KDM4C: variants seen among roughly 807,000 people sequenced by gnomAD.
KDM4C encodes the protein lysine-specific demethylase 4C.
In KDM4C, 81 loss-of-function variants were observed where a neutral mutation model predicts 129.3. The observed-to-expected ratio is 0.63, with a 90% confidence interval of 0.52 to 0.75. The LOEUF (loss-of-function observed/expected upper bound fraction) is 0.75, where lower values mean the gene tolerates loss of function less well. Ranked by LOEUF, KDM4C falls within the 30% of genes least tolerant of loss-of-function variation. The pLI is 0.00. For synonymous variants in KDM4C, 573 were observed against 456.1 expected (o/e 1.26, Z -3.26); for missense variants, 1,457 against 1,304.0 (o/e 1.12, Z -1.81).
chr9:6,729,375 A>C lies in KDM4C; in HGVS notation c.49+8378A>C, dbSNP rs1239571329. 3.9e-5 allele frequency among the ~76,000 whole-genome samples: 5 copies of C among 129,174 alleles called. 2 individuals carry two copies. The Admixed American group carries it at 4.2e-4, about 11-fold the overall frequency. The allele number at this position is 129,174 out of a possible 152,430, so 84.7% of individuals were successfully genotyped here. A position where few individuals can be genotyped will look rare whatever the true frequency, so the allele number is the denominator to read the frequency against. ...GGGCAAATGGTGAAACCCTATCCCT[A>C]CTAAAAATACAAAAAACTAGCCAGG... is the stretch of plus-strand genomic sequence containing the variant. On this transcript the variant is annotated intron_variant, in intron 1 of 17. Transcript: ENST00000536108.
At chr9:6,835,260 A>C (rs537392792) in intron 4 of KDM4C, 3 of 903,836 alleles carry the variant, frequency 3.3e-6, no homozygotes, top group African/African-American at 3.3e-5. Context: ...TGGGCATGGA[A>C]TCCTGTGGCA....
At chr9:6,891,543 G>A (rs1846120023) in intron 7 of KDM4C, among the ~76,000 whole-genome samples, 2 of 152,052 alleles carry the variant, frequency 1.3e-5, no homozygotes, top group Non-Finnish European at 2.9e-5. Flanking sequence ...AAAGGGTGAG[G>A]GGGTTTCTTT....
At chr9:7,024,916 TCCACAGTGGTTGAACTAGTTTACAGTC>T (rs1388865046) in intron 15 of KDM4C, among the ~76,000 whole-genome samples, 1 of 152,206 alleles carries the variant, frequency 6.6e-6, no homozygotes, top group Non-Finnish European at 1.5e-5. Context: ...CACACCAACT[TCCACAGTGGTTGAACTAGTTTACAGTC>T]CCACCAACAG....
chr9:6,734,717 G>T, intron 1 of KDM4C: 3 of 306,636 alleles, frequency 9.8e-6, no homozygotes, highest in South Asian at 6.3e-5. Flanking sequence ...GTCAAAATAG[G>T]ATTTTTTCTG....
chr9:6,803,758 A>G (rs1829447750), intron 2 of KDM4C, among the ~76,000 whole-genome samples: 2 of 152,040 alleles, frequency 1.3e-5, no homozygotes, highest in East Asian at 1.9e-4. Flanking sequence ...AAAGAAAAAA[A>G]AAAAAAAAAG....
intron 1 of KDM4C, among the ~76,000 whole-genome samples, chr9:6,736,965 C>A (rs768812757): frequency 6.7e-6 from 1 of 149,404 alleles, no homozygotes; most frequent in Non-Finnish European, 1.5e-5. Context: ...GCACAAGTAT[C>A]GCTTGAACCT....
chr9:6,760,886 C>G (rs1819339914), intron 1 of KDM4C, among the ~76,000 whole-genome samples: 1 of 151,376 alleles, frequency 6.6e-6, no homozygotes, highest in African/African-American at 2.4e-5. Flanking sequence ...GATACTCTTT[C>G]AAGCCTTGAA....
At chr9:7,133,005 G>T (rs1322575717) in intron 19 of KDM4C, among the ~76,000 whole-genome samples, 2 of 152,224 alleles carry the variant, frequency 1.3e-5, no homozygotes, top group Non-Finnish European at 2.9e-5. Flanking sequence ...GATTCTGGGG[G>T]TGAGTAGTTA....
chr9:7,159,053 G>A (rs1416660051), intron 19 of KDM4C, among the ~76,000 whole-genome samples: 1 of 152,214 alleles, frequency 6.6e-6, no homozygotes, highest in Admixed American at 6.5e-5. Flanking sequence ...ATTTAGGAGA[G>A]TTAGCTCTTT....
intron 10 of KDM4C, among the ~76,000 whole-genome samples, chr9:6,985,673 T>C (rs1490636038): frequency 1.3e-5 from 2 of 152,176 alleles, no homozygotes; most frequent in African/African-American, 2.4e-5. Flanking sequence ...GATATTTCAC[T>C]ATAGTCCCTT....
chr9:6,985,500 AC>A (rs1315277141), intron 10 of KDM4C, among the ~76,000 whole-genome samples: 1 of 152,230 alleles, frequency 6.6e-6, no homozygotes, highest in African/African-American at 2.4e-5. Flanking sequence ...TTGCTGGTTT[AC>A]CAAGGAAGGA....
chr9:6,789,895 G>A (rs1826200081), intron 1 of KDM4C, among the ~76,000 whole-genome samples: 2 of 152,018 alleles, frequency 1.3e-5, no homozygotes, highest in South Asian at 2.1e-4. Flanking sequence ...TTCTCCTTTG[G>A]ATTGTAAGTT....
intron 19 of KDM4C, among the ~76,000 whole-genome samples, chr9:7,134,284 G>A (rs2129684222): frequency 6.6e-6 from 1 of 152,240 alleles, no homozygotes; most frequent in South Asian, 2.1e-4. Context: ...TTAGTTACGA[G>A]GGAAACCTTT....
intron 4 of KDM4C, among the ~76,000 whole-genome samples, chr9:6,818,215 A>G (rs910528676): frequency 3.9e-5 from 6 of 152,214 alleles, no homozygotes; most frequent in African/African-American, 7.2e-5. Flanking sequence ...AACATTTCCA[A>G]TATTGCTTTC....
chr9:7,138,662 A>T (rs1001249057), intron 19 of KDM4C, among the ~76,000 whole-genome samples: 4 of 151,688 alleles, frequency 2.6e-5, no homozygotes, highest in African/African-American at 7.3e-5. Flanking sequence ...AAAAAAATTT[A>T]AAAAAATTTA....
chr9:6,865,771 G>T (rs995090615), intron 5 of KDM4C, among the ~76,000 whole-genome samples: 1 of 150,030 alleles, frequency 6.7e-6, no homozygotes, highest in Non-Finnish European at 1.5e-5. Context: ...TTTTTTGTGC[G>T]ACGGAGTCTC....
chr9:6,974,911 C>T (rs1832681573), intron 8 of KDM4C: 1 of 152,200 alleles, frequency 6.6e-6, no homozygotes, highest in South Asian at 2.1e-4. Context: ...TAACTCTGAA[C>T]TTCCACAACC....
rs145409586 is a variant in KDM4C, at chr9:6,823,840, G to A, written c.435+9095G>A. Among the ~76,000 whole-genome samples the A allele has an allele frequency of 5.6e-3, 853 of 152,262 alleles. 10 individuals are homozygous for A. Among genetic ancestry groups the A allele is most frequent in the African/African-American group, 0.02 (814 of 41,554 alleles). Reference sequence around the variant, plus strand: ...CTGATGGGCCTCCTTCCTTCAGTACGCACCATCACTTCCAACTCTTCGTAG... The same window carrying A: ...CTGATGGGCCTCCTTCCTTCAGTACACACCATCACTTCCAACTCTTCGTAG... On this transcript the variant is annotated intron_variant, in intron 4 of 21. Coordinates refer to ENST00000381309, the MANE Select transcript of KDM4C (RefSeq NM_015061.6).
intron 15 of KDM4C, among the ~76,000 whole-genome samples, chr9:7,039,434 G>C (rs1224578711): frequency 6.6e-6 from 1 of 151,752 alleles, no homozygotes; most frequent in African/African-American, 2.4e-5. Context: ...TTGTCATTTA[G>C]AGTCTCTTTT....
Sources: allele counts gnomAD v4.1 joint callset (sites outside exome capture counted in the v4.1 genomes callset), GRCh38; gene constraint gnomAD v4.1.1; transcripts MANE v1.5; gene names NCBI Gene and HGNC (gene_info 2026-07-23, HGNC 2026-07-21).